Variants in WWOX observed in about 807,000 individuals in gnomAD.
WWOX encodes the protein WW domain-containing oxidoreductase.
WWOX carries 69 observed loss-of-function variants against 46.2 expected under a neutral mutation model. The observed-to-expected ratio is 1.49, with a 90% confidence interval of 1.23 to 1.82. WWOX has a LOEUF of 1.82. WWOX is among the 40% of genes most tolerant of loss of function. The pLI is 0.00. For synonymous variants in WWOX, 359 were observed against 202.6 expected (o/e 1.77, Z -6.56); for missense variants, 919 against 542.6 (o/e 1.69, Z -6.89).
At chr16:78,707,503 A>G (rs552555893) in intron 8 of WWOX, among the ~76,000 whole-genome samples, 1 of 152,280 alleles carries the variant, frequency 6.6e-6, no homozygotes, top group East Asian at 1.9e-4. Context: ...TTGCTTTGGA[A>G]AAGTCTGTGC....
chr16:78,214,133 C>G (rs1477562756), intron 5 of WWOX, among the ~76,000 whole-genome samples: 1 of 152,144 alleles, frequency 6.6e-6, no homozygotes, highest in Non-Finnish European at 1.5e-5. Flanking sequence ...TCCACATCAG[C>G]TCCACATTGC....
At chr16:78,720,296 C>T (rs114484497) in intron 8 of WWOX, among the ~76,000 whole-genome samples, 2,059 of 146,006 alleles carry the variant, frequency 0.014, 39 homozygotes, top group African/African-American at 0.051. Context: ...CTGAACCTGA[C>T]GGTTATATAG....
chr16:78,208,165 G>C (rs546200890), intron 5 of WWOX, among the ~76,000 whole-genome samples: 4 of 152,124 alleles, frequency 2.6e-5, no homozygotes. Context: ...TTATTCCTTC[G>C]TGGAGCTCAG....
intron 8 of WWOX, among the ~76,000 whole-genome samples, chr16:79,112,208 C>G (rs995512912): frequency 6.6e-6 from 1 of 152,068 alleles, no homozygotes; most frequent in Non-Finnish European, 1.5e-5. Context: ...ATTATACATG[C>G]CAAACAGACT....
At chr16:78,510,588 A>T (rs1257616642) in intron 8 of WWOX, among the ~76,000 whole-genome samples, 1 of 152,220 alleles carries the variant, frequency 6.6e-6, no homozygotes, top group East Asian at 1.9e-4. Flanking sequence ...AACTGCAACC[A>T]TAATTTAGCT....
intron 8 of WWOX, chr16:78,552,188 C>T (rs1397268463): frequency 6.6e-6 from 1 of 152,218 alleles, no homozygotes; most frequent in African/African-American, 2.4e-5. Flanking sequence ...TAAAGCTGGA[C>T]TTGATTAACC....
intron 8 of WWOX, among the ~76,000 whole-genome samples, chr16:78,685,464 T>G (rs2047832772): frequency 1.3e-5 from 2 of 152,214 alleles, no homozygotes; most frequent in South Asian, 4.1e-4. Context: ...GTTATAAATC[T>G]TCACCTAGCA....
intron 8 of WWOX, among the ~76,000 whole-genome samples, chr16:78,959,349 C>T (rs527417488): frequency 1.3e-5 from 2 of 152,160 alleles, no homozygotes; most frequent in Non-Finnish European, 2.9e-5. Flanking sequence ...GTGCTTGGCC[C>T]TGAGAAAGCA....
chr16:78,860,304 C>G (rs1432073361), intron 8 of WWOX, among the ~76,000 whole-genome samples: 1 of 152,118 alleles, frequency 6.6e-6, no homozygotes, highest in Non-Finnish European at 1.5e-5. Flanking sequence ...GAATAGTGGC[C>G]TACTTCTGTG....
chr16:79,116,758 T>A (rs1451378469), intron 8 of WWOX, among the ~76,000 whole-genome samples: 2 of 151,938 alleles, frequency 1.3e-5, no homozygotes, highest in African/African-American at 4.8e-5. Flanking sequence ...TTTTTGATCC[T>A]TTGCCATGAA....
chr16:78,417,327 A>G (rs924525802), intron 6 of WWOX, among the ~76,000 whole-genome samples: 5 of 152,106 alleles, frequency 3.3e-5, no homozygotes, highest in South Asian at 2.1e-4. Context: ...CCCTGAGTCC[A>G]AAAGATGCTG....
intron 8 of WWOX, among the ~76,000 whole-genome samples, chr16:78,729,799 T>A (rs2048925159): frequency 6.6e-6 from 1 of 152,174 alleles, no homozygotes; most frequent in Non-Finnish European, 1.5e-5. Flanking sequence ...AGAAACAGGA[T>A]TTGAACCTAC....
chr16:79,136,688 C>A (rs903210656), intron 8 of WWOX, among the ~76,000 whole-genome samples: 3 of 152,174 alleles, frequency 2.0e-5, no homozygotes, highest in African/African-American at 7.2e-5. Flanking sequence ...CGGGTCCTTT[C>A]TAGTTGCATG....
At chr16:79,194,353 C>T (rs414723) in intron 8 of WWOX, among the ~76,000 whole-genome samples, 112,845 of 152,028 alleles carry the variant, frequency 0.74, 43,150 homozygotes, top group Non-Finnish European at 0.85. Flanking sequence ...ACCTACCGTG[C>T]GCCAAGCTTT....
chr16:78,863,519 C>G (rs1011640376), intron 8 of WWOX, among the ~76,000 whole-genome samples: 3 of 152,198 alleles, frequency 2.0e-5, no homozygotes, highest in Non-Finnish European at 4.4e-5. Flanking sequence ...TTTAGTGTCA[C>G]AGCTCAAAAC....
intron 8 of WWOX, among the ~76,000 whole-genome samples, chr16:78,732,165 T>C (rs2048985596): frequency 6.6e-6 from 1 of 152,070 alleles, no homozygotes; most frequent in African/African-American, 2.4e-5. Context: ...ACCCCAAAAC[T>C]TGAATCTGGG....
At chr16:78,504,097 C>A (rs748186713) in intron 8 of WWOX, among the ~76,000 whole-genome samples, 5 of 152,052 alleles carry the variant, frequency 3.3e-5, no homozygotes, top group African/African-American at 7.2e-5. Context: ...ATGATTAATT[C>A]TCCTATTAAG....
At chr16:78,511,676 A>AC (rs1447234230) in intron 8 of WWOX, among the ~76,000 whole-genome samples, 7 of 152,070 alleles carry the variant, frequency 4.6e-5, no homozygotes, top group South Asian at 2.1e-4. Flanking sequence ...TATCTGTAGT[A>AC]CCCCCCGCCT....
At chr16:78,704,224 C>T (rs1438226376) in intron 8 of WWOX, among the ~76,000 whole-genome samples, 1 of 151,840 alleles carries the variant, frequency 6.6e-6, no homozygotes, top group African/African-American at 2.4e-5. Flanking sequence ...AAAATGGAAA[C>T]AGTGCAACCT....
Sources: allele counts gnomAD v4.1 joint callset (sites outside exome capture counted in the v4.1 genomes callset), GRCh38; gene constraint gnomAD v4.1.1; transcripts MANE v1.5; gene names NCBI Gene and HGNC (gene_info 2026-07-23, HGNC 2026-07-21).